CFAP70: variants seen among roughly 807,000 people sequenced by gnomAD.
CFAP70 encodes the protein cilia- and flagella-associated protein 70.
In CFAP70, 81 loss-of-function variants were observed where a neutral mutation model predicts 137.6. The observed-to-expected ratio is 0.59, with a 90% CI of 0.49 to 0.71. The LOEUF (loss-of-function observed/expected upper bound fraction) is 0.71, where lower values mean the gene tolerates loss of function less well. Ranked by LOEUF, CFAP70 falls within the 30% of genes least tolerant of loss-of-function variation. The pLI is 0.00. For missense variants in CFAP70, 976 were observed against 1,226.7 expected (o/e 0.80, Z 3.05); for synonymous variants, 382 against 423.6 (o/e 0.90, Z 1.20).
chr10:73,254,795 T>C (rs1447768399), intron 26 of CFAP70, among the ~76,000 whole-genome samples: 2 of 152,214 alleles, frequency 1.3e-5, no homozygotes, highest in Non-Finnish European at 2.9e-5. Context: ...GCTGGCTGTC[T>C]TGCAACTATG....
intron 9 of CFAP70, among the ~76,000 whole-genome samples, chr10:73,313,015 G>A (rs191223190): frequency 2.0e-5 from 3 of 152,218 alleles, no homozygotes; most frequent in Non-Finnish European, 4.4e-5. Context: ...TGTGAGCTCA[G>A]CAGTTCAAGA....
At chr10:73,310,708 T>C (rs2049841495) in intron 11 of CFAP70, among the ~76,000 whole-genome samples, 1 of 152,218 alleles carries the variant, frequency 6.6e-6, no homozygotes, top group Non-Finnish European at 1.5e-5. Flanking sequence ...GCATCCTAAA[T>C]ACATGTCCAA....
intron 12 of CFAP70, among the ~76,000 whole-genome samples, chr10:73,309,673 T>G (rs1004550618): frequency 6.6e-6 from 1 of 151,598 alleles, no homozygotes; most frequent in Non-Finnish European, 1.5e-5. Context: ...TTTTTTTTTT[T>G]AGAGATAGAG....
At chr10:73,326,309 C>CAAAGACACA in intron 8 of CFAP70, among the ~76,000 whole-genome samples, 1 of 148,574 alleles carries the variant, frequency 6.7e-6, no homozygotes, top group Non-Finnish European at 1.5e-5. Flanking sequence ...ACACAACATA[C>CAAAGACACA]CAGAATCTCT....
chr10:73,275,871 A>G lies in CFAP70; in HGVS notation c.2521-273T>C, dbSNP rs965455034. On this transcript the variant is annotated intron_variant, in intron 21 of 26. Coordinates refer to ENST00000310715, the Ensembl canonical transcript of CFAP70. The surrounding 1 kb of genome is among the most constrained non-coding windows in gnomAD (Gnocchi z 4.0). ...GTCTTGCTGGTCATCATACTAGGTG[A>G]GTGTTAGACTGCATGTATTATGCAG... 3 of 247,602 alleles carry G rather than the reference A, an allele frequency of 1.2e-5. No homozygotes were observed. The highest frequency in any genetic ancestry group is 2.3e-5 in the Non-Finnish European group (3 of 130,718). The allele number at this position is 247,602 out of a possible 1,614,324, so 15.3% of individuals were successfully genotyped here. A position where few individuals can be genotyped will look rare whatever the true frequency, so the allele number is the denominator to read the frequency against.
chr10:73,329,485 TATA>T (rs912143958), intron 8 of CFAP70, among the ~76,000 whole-genome samples: 7 of 151,912 alleles, frequency 4.6e-5, no homozygotes, highest in Admixed American at 2.6e-4. Flanking sequence ...AAACTTAAAG[TATA>T]ATAATAATAA....
At chr10:73,326,054 A>G (rs1439742301) in intron 8 of CFAP70, among the ~76,000 whole-genome samples, 1 of 151,964 alleles carries the variant, frequency 6.6e-6, no homozygotes, top group Non-Finnish European at 1.5e-5. Context: ...GCACCACACC[A>G]CACCTATTCC....
chr10:73,274,382 T>G, intron 23 of CFAP70, 51 bp downstream of exon 24: 1 of 1,539,104 alleles, frequency 6.5e-7, no homozygotes, highest in Non-Finnish European at 8.7e-7. Flanking sequence ...AATGCTTGAA[T>G]TACAATTAGT....
chr10:73,325,598 C>T (rs1463670226), intron 8 of CFAP70, among the ~76,000 whole-genome samples: 7 of 152,102 alleles, frequency 4.6e-5, no homozygotes, highest in African/African-American at 7.2e-5. Flanking sequence ...ACCCATCTCA[C>T]GTGCAGGGAC....
chr10:73,347,843 A>G (rs1758342910), intron 4 of CFAP70, among the ~76,000 whole-genome samples: 1 of 152,208 alleles, frequency 6.6e-6, no homozygotes, highest in South Asian at 2.1e-4. Context: ...ATCAGGACAT[A>G]GCTCAAGAGT....
Position 73,275,268 on chromosome 10 carries a change from C to T in CFAP70, c.2673+178G>A. On this transcript the variant is annotated intron_variant, in intron 22 of 26. Transcript: ENST00000310715. This position sits in a 1 kb window ranked among gnomAD's most constrained non-coding sequence, Gnocchi z 4.0. Reference sequence around the variant, plus strand: ...TGCTGCGATTACAGTTGTGAGCCACCGCGCCCAGCCAACTCATGATTACTT... The same window carrying T: ...TGCTGCGATTACAGTTGTGAGCCACTGCGCCCAGCCAACTCATGATTACTT... 7.5e-6 allele frequency: 4 copies of T among 530,534 alleles called. No homozygotes were observed. Among genetic ancestry groups the T allele is most frequent in the South Asian group, 5.4e-5 (1 of 18,640 alleles). 32.9% of individuals were successfully genotyped at this position (530,534 alleles called of 1,614,324 possible). A position where few individuals can be genotyped will look rare whatever the true frequency, so the allele number is the denominator to read the frequency against.
At chr10:73,313,499 C>G (rs181102798) in intron 9 of CFAP70, among the ~76,000 whole-genome samples, 170 of 147,054 alleles carry the variant, frequency 1.2e-3, no homozygotes, top group Non-Finnish European at 1.2e-3. Context: ...GCCATGACTA[C>G]ACCACTGCAT....
chr10:73,330,214 G>C (rs28527247), intron 8 of CFAP70, among the ~76,000 whole-genome samples: 16,036 of 152,046 alleles, frequency 0.11, 1,209 homozygotes, highest in East Asian at 0.3. Context: ...CACTTTGGGA[G>C]GCTGAGGCGG....
At chr10:73,322,315 T>C (rs1238026325) in intron 9 of CFAP70, among the ~76,000 whole-genome samples, 3 of 152,180 alleles carry the variant, frequency 2.0e-5, no homozygotes, top group Non-Finnish European at 4.4e-5. Context: ...CAGGTAACCA[T>C]TAATCTGCTT....
chr10:73,274,607 A>C lies in CFAP70; in HGVS notation c.2674-13T>G. ...AGACATTGGGGTTCTGGGAAAGTGA[A>C]AAGCAAGTAGTATATGGGATAAGGT... On this transcript the variant is annotated splice_polypyrimidine_tract_variant and intron_variant, in intron 22 of 26. Transcript: ENST00000310715. 1 of 1,610,658 alleles carries C rather than the reference A, an allele frequency of 6.2e-7. No homozygotes were observed. The highest frequency in any genetic ancestry group is 8.5e-7 in the Non-Finnish European group (1 of 1,178,728).
intron 6 of CFAP70, among the ~76,000 whole-genome samples, chr10:73,335,836 G>T (rs916714946): frequency 1.1e-3 from 158 of 139,840 alleles, no homozygotes; most frequent in Non-Finnish European, 9.7e-4. Flanking sequence ...TGGAGTTTTT[G>T]TTTTTTTTTT....
At chr10:73,262,052 A>G (rs1015317660) in intron 25 of CFAP70, among the ~76,000 whole-genome samples, 1 of 142,138 alleles carries the variant, frequency 7.0e-6, no homozygotes, top group African/African-American at 2.7e-5. Flanking sequence ...TATATTATAT[A>G]TTATATATGT....
Position 73,293,253 on chromosome 10 carries a change from G to A in CFAP70, c.1770+10C>T. 6.3e-7 allele frequency: 1 copy of A among 1,595,948 alleles called. No homozygotes were observed. The highest frequency in any genetic ancestry group is 8.5e-7 in the Non-Finnish European group (1 of 1,173,952). ...TAATAGTAACAATCACTGGGAAGAT[G>A]TTTAATTACCTCTTTATAATATGCT... On this transcript the variant is annotated intron_variant, in intron 16 of 26. Transcript: ENST00000310715.
chr10:73,348,693 T>A (rs182423312), intron 3 of CFAP70, among the ~76,000 whole-genome samples, 172 bp from the exon 4 acceptor site: 397 of 152,304 alleles, frequency 2.6e-3, no homozygotes, highest in African/African-American at 8.5e-3. Flanking sequence ...ACCACTTCAG[T>A]GACTTTTGAA....
Sources: allele counts gnomAD v4.1 joint callset (sites outside exome capture counted in the v4.1 genomes callset), GRCh38; gene constraint gnomAD v4.1.1; non-coding constraint Gnocchi (gnomAD v3.1); transcripts MANE v1.5; gene names NCBI Gene and HGNC (gene_info 2026-07-23, HGNC 2026-07-21).